Variants in CRYZL1 observed in about 807,000 individuals in gnomAD.
CRYZL1 encodes the protein crystallin zeta like 1.
A neutral mutation model predicts 50.6 loss-of-function variants in CRYZL1; 34 were observed. The ratio of observed to expected loss-of-function variants is 0.67; its 90% CI spans 0.51 to 0.89. The LOEUF is 0.89. Ranked by LOEUF, CRYZL1 falls within the 40% of genes least tolerant of loss-of-function variation. The pLI, the probability that CRYZL1 is intolerant of heterozygous loss-of-function variation, is 0.00. For synonymous variants in CRYZL1, 125 were observed against 134.3 expected (o/e 0.93, Z 0.48); for missense variants, 354 against 402.3 (o/e 0.88, Z 1.03).
intron 5 of CRYZL1, among the ~76,000 whole-genome samples, chr21:33,614,762 C>T (rs1485802088): frequency 1.3e-5 from 2 of 152,042 alleles, no homozygotes; most frequent in Non-Finnish European, 2.9e-5. Flanking sequence ...AGTAGAGACA[C>T]AGTTTCACCA....
At chr21:33,630,098 G>A (rs539655895) in intron 2 of CRYZL1, among the ~76,000 whole-genome samples, 32 of 152,200 alleles carry the variant, frequency 2.1e-4, no homozygotes, top group Admixed American at 6.5e-4. Flanking sequence ...GATCATGGCC[G>A]TCAGGGAAAT....
chr21:33,621,148 G>A (rs1401169857), intron 4 of CRYZL1, among the ~76,000 whole-genome samples: 5 of 148,888 alleles, frequency 3.4e-5, no homozygotes, highest in Middle Eastern at 3.5e-3. Context: ...CTCGTGATCC[G>A]CCCGCCTCGG....
At chr21:33,615,365 G>A (rs951462056) in intron 5 of CRYZL1, among the ~76,000 whole-genome samples, 1 of 151,816 alleles carries the variant, frequency 6.6e-6, no homozygotes, top group Non-Finnish European at 1.5e-5. Context: ...TGTTGCCCAG[G>A]CTGGTCTTGA....
At chr21:33,621,959 A>G in intron 4 of CRYZL1, 37 bp downstream of exon 4, 2 of 1,434,376 alleles carry the variant, frequency 1.4e-6, no homozygotes, top group Non-Finnish European at 1.9e-6. Context: ...CTTTTACCTT[A>G]GAAAATAAAT....
chr21:33,626,094 C>G (rs1363790096), intron 2 of CRYZL1, among the ~76,000 whole-genome samples: 1 of 152,028 alleles, frequency 6.6e-6, no homozygotes. Flanking sequence ...GCTGGGATTA[C>G]AGGCATGAGC....
chr21:33,641,503 G>C (rs998087866), intron 1 of CRYZL1, among the ~76,000 whole-genome samples, 178 bp downstream of exon 1: 2 of 152,164 alleles, frequency 1.3e-5, no homozygotes, highest in African/African-American at 2.4e-5. Context: ...CTCAAATCTA[G>C]TCTTACCCAC....
chr21:33,622,677 G>A (rs974697714), intron 3 of CRYZL1, among the ~76,000 whole-genome samples: 9 of 152,144 alleles, frequency 5.9e-5, no homozygotes, highest in African/African-American at 2.2e-4. Context: ...TTAACTGTAA[G>A]TACTTGTCTT....
intron 2 of CRYZL1, among the ~76,000 whole-genome samples, chr21:33,625,390 T>C (rs1002395111): frequency 1.3e-5 from 2 of 152,086 alleles, no homozygotes; most frequent in Non-Finnish European, 2.9e-5. Context: ...CTCCTGACCT[T>C]GTGATCCGCC....
intron 1 of CRYZL1, chr21:33,640,273 T>G: frequency 6.5e-7 from 1 of 1,527,074 alleles, no homozygotes. Flanking sequence ...TACCTCACTT[T>G]CAAATCTAAA....
chr21:33,610,344 A>G (rs1019982009), intron 6 of CRYZL1, among the ~76,000 whole-genome samples: 4 of 151,574 alleles, frequency 2.6e-5, no homozygotes, highest in African/African-American at 9.7e-5. Flanking sequence ...TATTTTTAGT[A>G]GAGACGGGGT....
intron 8 of CRYZL1, among the ~76,000 whole-genome samples, 156 bp downstream of exon 8, chr21:33,602,078 A>G (rs368414447): frequency 2.0e-5 from 3 of 151,842 alleles, no homozygotes; most frequent in African/African-American, 7.3e-5. Context: ...GGGCTCAAGC[A>G]ATCCTCCCAT....
At chr21:33,592,143 C>CTTT (rs1186073775) in intron 11 of CRYZL1, among the ~76,000 whole-genome samples, 3 of 129,440 alleles carry the variant, frequency 2.3e-5, no homozygotes, top group Non-Finnish European at 3.3e-5. Context: ...TTTTTCAGAG[C>CTTT]TTTTTTTTTT....
intron 1 of CRYZL1, among the ~76,000 whole-genome samples, chr21:33,637,088 CAG>C (rs2087215448): frequency 6.6e-6 from 1 of 152,216 alleles, no homozygotes; most frequent in Non-Finnish European, 1.5e-5. Flanking sequence ...TCAAATTTAA[CAG>C]ACACAAAGCT....
chr21:33,636,293 C>A (rs1053515491), intron 1 of CRYZL1, among the ~76,000 whole-genome samples: 9 of 151,954 alleles, frequency 5.9e-5, no homozygotes, highest in African/African-American at 2.2e-4. Flanking sequence ...TCTATCTAGG[C>A]ATTGGAGGCT....
At chr21:33,622,902 T>G (rs2087018891) in intron 3 of CRYZL1, among the ~76,000 whole-genome samples, 1 of 152,150 alleles carries the variant, frequency 6.6e-6, no homozygotes, top group African/African-American at 2.4e-5. Context: ...AACATAATAC[T>G]TTTCTTAAGA....
intron 6 of CRYZL1, among the ~76,000 whole-genome samples, chr21:33,606,848 A>G (rs2145929708): frequency 6.6e-6 from 1 of 152,040 alleles, no homozygotes; most frequent in South Asian, 2.1e-4. Flanking sequence ...CATCTCTACT[A>G]AAAATACAAA....
intron 6 of CRYZL1, among the ~76,000 whole-genome samples, chr21:33,609,375 C>G (rs1357857185): frequency 6.6e-6 from 1 of 152,114 alleles, no homozygotes; most frequent in Non-Finnish European, 1.5e-5. Flanking sequence ...ATACAGCTAA[C>G]AGTAGCCTCA....
In CRYZL1 at chr21:33,601,583, G is replaced by A. The variant is rs2086757067; in HGVS notation, c.577+651C>T. Among the ~76,000 whole-genome samples, 3 of 152,184 alleles carry A rather than the reference G, an allele frequency of 2.0e-5. No individual in the cohort carries two copies. The South Asian group carries it at 6.2e-4, about 32-fold the overall frequency. ...CAAACAGGAAAAAACATTGAAAAATGTAAGTTTAAAAAAAAATAATTAAAA... is the reference window on the plus strand; with the variant it reads ...CAAACAGGAAAAAACATTGAAAAATATAAGTTTAAAAAAAAATAATTAAAA... On this transcript the variant is annotated intron_variant, in intron 8 of 12. Coordinates refer to ENST00000381554, the MANE Select transcript of CRYZL1 (RefSeq NM_145858.3).
chr21:33,605,696 A>AT (rs915984335), intron 6 of CRYZL1, among the ~76,000 whole-genome samples: 3 of 149,482 alleles, frequency 2.0e-5, no homozygotes, highest in Non-Finnish European at 3.0e-5. Context: ...TAATTTTTGT[A>AT]TTTTTTTAGT....
Sources: gnomAD v4.1 joint callset for allele counts (sites outside exome capture counted in the v4.1 genomes callset) on GRCh38, gnomAD v4.1.1 for gene constraint, MANE v1.5 for transcripts, NCBI Gene and HGNC (gene_info 2026-07-23, HGNC 2026-07-21) for gene names.